The following RNGTT variants were observed in gnomAD, a reference collection of about 807,000 sequenced individuals.
RNGTT encodes the protein mRNA-capping enzyme.
A neutral mutation model predicts 79.3 loss-of-function variants in RNGTT; 33 were observed. The observed-to-expected ratio is 0.42, with a 90% CI of 0.32 to 0.56. The LOEUF is 0.56. Among genes scored for constraint, RNGTT ranks in the 20% least tolerant of loss-of-function variants. The pLI is 0.17. For missense variants in RNGTT, 497 were observed against 739.1 expected (o/e 0.67, Z 3.80); for synonymous variants, 222 against 235.9 (o/e 0.94, Z 0.54).
rs192206498 is a variant in RNGTT, at chr6:88,909,231, C to T, written c.368-2791G>A. The stretch of plus-strand genomic sequence containing the variant: ...GGGCACGCAGGGCTTTTGAGACAAG[C>T]CTGGCCAGTCTGGTTGCGCCTGCTC... On this transcript the variant is annotated intron_variant, in intron 4 of 15. Coordinates refer to ENST00000369485, the MANE Select transcript of RNGTT (RefSeq NM_003800.5). 2.8e-3 allele frequency among the ~76,000 whole-genome samples: 419 copies of T among 152,318 alleles called. 7 individuals carry two copies. The highest frequency in any genetic ancestry group is 9.8e-3 in the African/African-American group (408 of 41,574).
chr6:88,643,491 A>G (rs1308830816), intron 14 of RNGTT, among the ~76,000 whole-genome samples: 1 of 152,236 alleles, frequency 6.6e-6, no homozygotes, highest in Non-Finnish European at 1.5e-5. Context: ...TCAGCTCTGC[A>G]CCAAGTGGAC....
At chr6:88,666,143 T>A (rs1774400011) in intron 14 of RNGTT, among the ~76,000 whole-genome samples, 2 of 152,110 alleles carry the variant, frequency 1.3e-5, no homozygotes. Flanking sequence ...CATGGAACCA[T>A]TTGAATGGGG....
chr6:88,746,613 C>T (rs887729818), intron 13 of RNGTT, among the ~76,000 whole-genome samples: 18 of 152,104 alleles, frequency 1.2e-4, no homozygotes, highest in African/African-American at 3.9e-4. Flanking sequence ...GAGCAGTTCA[C>T]GATGGGGTTT....
intron 13 of RNGTT, among the ~76,000 whole-genome samples, chr6:88,748,544 A>G (rs1245220307): frequency 6.6e-6 from 1 of 152,000 alleles, no homozygotes; most frequent in Non-Finnish European, 1.5e-5. Flanking sequence ...CCCTTATTAT[A>G]CTTAATTTTT....
intron 13 of RNGTT, among the ~76,000 whole-genome samples, chr6:88,747,311 C>T (rs1777691893): frequency 6.6e-6 from 1 of 152,164 alleles, no homozygotes; most frequent in Non-Finnish European, 1.5e-5. Context: ...TAAACCTCAA[C>T]CTTTTTCCCA....
At chr6:88,756,730 AT>A (rs1044910980) in intron 13 of RNGTT, among the ~76,000 whole-genome samples, 2 of 152,208 alleles carry the variant, frequency 1.3e-5, no homozygotes, top group Non-Finnish European at 2.9e-5. Flanking sequence ...TACATTCTTA[AT>A]AGATAACCTC....
At chr6:88,778,514 C>T (rs1242607686) in intron 12 of RNGTT, among the ~76,000 whole-genome samples, 1 of 152,138 alleles carries the variant, frequency 6.6e-6, no homozygotes, top group African/African-American at 2.4e-5. Flanking sequence ...TGGAGTCTTG[C>T]TATCTTGCCC....
intron 14 of RNGTT, among the ~76,000 whole-genome samples, chr6:88,626,671 T>C (rs1772645662): frequency 6.6e-6 from 1 of 152,088 alleles, no homozygotes; most frequent in South Asian, 2.1e-4. Flanking sequence ...TCACAGCAAA[T>C]TGCAGAATTT....
At chr6:88,834,566 C>CT (rs1780997728) in intron 11 of RNGTT, among the ~76,000 whole-genome samples, 1 of 152,170 alleles carries the variant, frequency 6.6e-6, no homozygotes, top group Non-Finnish European at 1.5e-5. Context: ...CTGAAAATCT[C>CT]TATGTGTGAA....
At chr6:88,829,717 A>C (rs6919107) in intron 11 of RNGTT, among the ~76,000 whole-genome samples, 3,266 of 150,652 alleles carry the variant, frequency 0.022, 132 homozygotes, top group African/African-American at 0.073. Context: ...AAAAAAAAAA[A>C]AAAAAAACCA....
chr6:88,749,942 T>C (rs886988515), intron 13 of RNGTT, among the ~76,000 whole-genome samples: 3 of 152,182 alleles, frequency 2.0e-5, no homozygotes, highest in Admixed American at 2.0e-4. Flanking sequence ...TTTGTGTTTC[T>C]TGACGTGCAG....
At chr6:88,939,745 CA>C (rs1297445001) in intron 2 of RNGTT, among the ~76,000 whole-genome samples, 1 of 151,194 alleles carries the variant, frequency 6.6e-6, no homozygotes, top group Non-Finnish European at 1.5e-5. Flanking sequence ...GATATCTGCA[CA>C]TCTGGTGTAA....
At chr6:88,766,750 A>C (rs1778475374) in intron 13 of RNGTT, among the ~76,000 whole-genome samples, 2 of 152,116 alleles carry the variant, frequency 1.3e-5, no homozygotes, top group South Asian at 4.1e-4. Context: ...TTAGAAAACT[A>C]CTGCAGTCAT....
At chr6:88,644,247 T>C (rs1437136487) in intron 14 of RNGTT, among the ~76,000 whole-genome samples, 1 of 151,740 alleles carries the variant, frequency 6.6e-6, no homozygotes, top group East Asian at 1.9e-4. Flanking sequence ...AACTAGAAAA[T>C]CTAGAAGAAA....
At position 88,730,917 on chromosome 6, in the gene RNGTT, A is replaced by G. The variant is rs74605505; in HGVS notation, c.1439+38857T>C. Among the ~76,000 whole-genome samples, 682 of 152,324 alleles carry G rather than the reference A, an allele frequency of 4.5e-3. 2 individuals carry two copies. The highest frequency in any genetic ancestry group is 0.016 in the African/African-American group (645 of 41,564). ...CCTGTCTAGTCTTCTGTCTCATCTA[A>G]GAGGCCAAAACAAACAAACAAAAAA... On this transcript the variant is annotated intron_variant, in intron 13 of 15. Transcript: ENST00000369485.
intron 14 of RNGTT, among the ~76,000 whole-genome samples, chr6:88,660,730 T>C (rs185862389): frequency 4.6e-5 from 7 of 152,296 alleles, no homozygotes; most frequent in Non-Finnish European, 8.8e-5. Flanking sequence ...GGGACTTCAA[T>C]ACTCCATTGA....
intron 14 of RNGTT, among the ~76,000 whole-genome samples, chr6:88,623,973 T>A (rs1380606476): frequency 6.6e-6 from 1 of 151,998 alleles, no homozygotes; most frequent in African/African-American, 2.4e-5. Flanking sequence ...AAATTTAAAA[T>A]TTTAAAGTAT....
intron 11 of RNGTT, among the ~76,000 whole-genome samples, chr6:88,820,216 A>T (rs1355319950): frequency 6.6e-6 from 1 of 152,012 alleles, no homozygotes; most frequent in Non-Finnish European, 1.5e-5. Context: ...TGATGATATG[A>T]TGATGATGAT....
intron 14 of RNGTT, among the ~76,000 whole-genome samples, chr6:88,655,856 G>C (rs1036754375): frequency 6.6e-6 from 1 of 152,132 alleles, no homozygotes; most frequent in Non-Finnish European, 1.5e-5. Flanking sequence ...CTGATTAAAT[G>C]TGATCTTGAG....
Sources: gnomAD v4.1 joint callset for allele counts (sites outside exome capture counted in the v4.1 genomes callset) on GRCh38, gnomAD v4.1.1 for gene constraint, MANE v1.5 for transcripts, NCBI Gene and HGNC (gene_info 2026-07-23, HGNC 2026-07-21) for gene names.